The following L3MBTL1 variants were observed in gnomAD, a reference collection of about 807,000 sequenced individuals.
L3MBTL1 encodes L3MBTL histone methyl-lysine binding protein 1.
In L3MBTL1, 75 loss-of-function variants were observed where a neutral mutation model predicts 105.3. The observed-to-expected ratio is 0.71, with a 90% confidence interval of 0.59 to 0.86. The LOEUF is 0.86. L3MBTL1 is among the 40% of genes least tolerant of loss of function. L3MBTL1 has a pLI of 0.00. For synonymous variants in L3MBTL1, 452 were observed against 436.2 expected, an observed-to-expected ratio of 1.04 and a Z score of -0.45; for missense variants, 1,069 against 1,126.4, an observed-to-expected ratio of 0.95 and a Z score of 0.73.
chr20:43,519,974 G>GTACAAT (rs2018622518), intron 7 of L3MBTL1, among the ~76,000 whole-genome samples: 1 of 152,152 alleles, frequency 6.6e-6, no homozygotes, highest in Non-Finnish European at 1.5e-5. Context: ...CATTTGAAGT[G>GTACAAT]TACAATTCAG....
chr20:43,532,614 T>C (rs2019399294), intron 11 of L3MBTL1, 159 bp from the exon 12 acceptor site: 1 of 735,626 alleles, frequency 1.4e-6, no homozygotes, highest in Non-Finnish European at 2.2e-6. Context: ...GTTATGATTC[T>C]GCCCTGGAGG....
At chr20:43,527,478 C>T (rs556707858) in intron 7 of L3MBTL1, among the ~76,000 whole-genome samples, 4 of 152,154 alleles carry the variant, frequency 2.6e-5, no homozygotes, top group Non-Finnish European at 4.4e-5. Context: ...GTATTCATCT[C>T]CCTCCCCAGG....
intron 7 of L3MBTL1, among the ~76,000 whole-genome samples, chr20:43,520,740 T>G (rs1024351954): frequency 6.6e-6 from 1 of 152,206 alleles, no homozygotes; most frequent in African/African-American, 2.4e-5. Flanking sequence ...TAAATTGGGT[T>G]TAAAAAACAG....
At chr20:43,542,951 A>C (rs1276442917), downstream of L3MBTL1, among the ~76,000 whole-genome samples, 1 of 152,154 alleles carries the variant, frequency 6.6e-6, no homozygotes, top group East Asian at 1.9e-4. Context: ...CTCTTCCCCT[A>C]GATTTGAACC....
At position 43,532,928 on chromosome 20, in the gene L3MBTL1, G is replaced by A. The variant is rs2019413960; in HGVS notation, c.1436+4G>A. 1 of 1,614,124 alleles carries A rather than the reference G, an allele frequency of 6.2e-7. No homozygotes were observed. The highest frequency in any genetic ancestry group is 8.5e-7 in the Non-Finnish European group (1 of 1,180,002). On this transcript the variant is annotated splice_donor_region_variant and intron_variant, in intron 12 of 21. Coordinates refer to ENST00000418998, the MANE Select transcript of L3MBTL1 (RefSeq NM_001377303.1). ...GGGATGATACTTATGACTACTGGTA[G>A]TAGGAGGGCCCAGACTTGGCCTCAG...
chr20:43,536,217 G>A lies in L3MBTL1; in HGVS notation c.2046G>A (p.Leu682=), dbSNP rs773728139. The A allele has an allele frequency of 1.9e-6, 3 of 1,612,826 alleles. No individual in the cohort carries two copies. In the East Asian group the frequency reaches 6.7e-5, roughly 36 times the overall value. ...ACCAGAGCCGGCTGAAAGCGGAGCT[G>A]TCTGACTCGGAGGCCTCAGCCCGCA... The part of the protein sequence containing the change: ...ERNQSRLKAE[L]SDSEASARKK... The change falls in exon 18 of 22, where the codon CTG becomes CTA. Residue 682 remains leucine, a synonymous_variant. Transcript: ENST00000418998.
rs757053008 is a variant in L3MBTL1 at position 43,534,914 on chromosome 20, G to C, written c.1797G>C (p.Lys599Asn). Residue 599 changes from lysine to asparagine, a missense_variant, in exon 16 of 22, where the codon AAG (lysine) becomes AAC (asparagine). Lys to Asn is a moderately conservative substitution (Grantham distance 94, BLOSUM62 0). Coordinates refer to ENST00000418998, the MANE Select transcript of L3MBTL1 (RefSeq NM_001377303.1). ...TCCACCCTGCCGGCTGGTGCTCCAA[G>C]ACAGGACATCCCCTGCAGCCTCCTC... is the stretch of plus-strand genomic sequence containing the variant. ...PDIHPAGWCS[K>N]TGHPLQPPLG... 6.2e-7 allele frequency: 1 copy of C among 1,606,884 alleles called. No homozygotes were observed. The highest frequency in any genetic ancestry group is 8.5e-7 in the Non-Finnish European group (1 of 1,179,130).
At chr20:43,521,667 G>T (rs1265378878) in intron 7 of L3MBTL1, among the ~76,000 whole-genome samples, 5 of 152,132 alleles carry the variant, frequency 3.3e-5, no homozygotes, top group African/African-American at 1.2e-4. Context: ...ATTAAGAAAG[G>T]AATTCATCAA....
chr20:43,536,530 G>A lies in L3MBTL1; in HGVS notation c.2173+72G>A, dbSNP rs1487404405. The A allele has an allele frequency of 5.9e-6, 9 of 1,527,118 alleles. No individual in the cohort carries two copies. The Admixed American group carries it at 6.7e-5, about 11-fold the overall frequency. 94.6% of individuals were successfully genotyped at this position (1,527,118 alleles called of 1,614,324 possible). A position where few individuals can be genotyped will look rare whatever the true frequency, so the allele number is the denominator to read the frequency against. On this transcript the variant is annotated intron_variant, in intron 19 of 21. Coordinates refer to ENST00000418998, the MANE Select transcript of L3MBTL1 (RefSeq NM_001377303.1). ...ACAGCGAGTGCTCTGTCATTGGTGGGATGAGACAGATTTCCCAGAGTGGGA... is the reference window on the plus strand; with the variant it reads ...ACAGCGAGTGCTCTGTCATTGGTGGAATGAGACAGATTTCCCAGAGTGGGA...
Position 43,534,486 on chromosome 20 carries a change from G to A in L3MBTL1, c.1710+92G>A, listed in dbSNP as rs914689668. 15 of 976,380 alleles carry A rather than the reference G, an allele frequency of 1.5e-5. No individual in the cohort carries two copies. In the Admixed American group the frequency reaches 2.7e-4, roughly 17 times the overall value. The allele number at this position is 976,380 out of a possible 1,614,324, so 60.5% of individuals were successfully genotyped here. A position where few individuals can be genotyped will look rare whatever the true frequency, so the allele number is the denominator to read the frequency against. ...AGAGGTCAGGGGCATCATGGCATGA[G>A]AGAGATGAAGCCAAAGATCTTGAAT... On this transcript the variant is annotated intron_variant, in intron 15 of 21. Coordinates refer to ENST00000418998, the MANE Select transcript of L3MBTL1 (RefSeq NM_001377303.1).
intron 11 of L3MBTL1, 22 bp from the exon 12 acceptor site, chr20:43,532,751 G>C: frequency 6.2e-7 from 1 of 1,613,994 alleles, no homozygotes; most frequent in Non-Finnish European, 8.5e-7. Flanking sequence ...CCTGGCCGTG[G>C]CAGCTCCTTT....
At position 43,514,709 on chromosome 20, in the gene L3MBTL1, A is replaced by G. The variant is rs947186721; in HGVS notation, c.435A>G (p.Glu145=). Residue 145 remains glutamate (E), a synonymous_variant, in exon 4 of 22, where the codon GAA becomes GAG. Coordinates refer to ENST00000418998, the MANE Select transcript of L3MBTL1 (RefSeq NM_001377303.1). ...CCCCGAGCCCCGAGCTGCGGCAGGA[A>G]GGCGTGACCGAATACGAAGATGGCG... ...EQPPSPELRQ[E]GVTEYEDGGA... is the part of the protein sequence containing the mutation. 1.1e-5 allele frequency: 18 copies of G among 1,582,194 alleles called. 1 individual carries two copies. In the Admixed American group the frequency reaches 2.2e-4, roughly 20 times the overall value.
Position 43,533,369 on chromosome 20 carries a change from C to T in L3MBTL1, c.1464C>T (p.His488=), listed in dbSNP as rs1182071402. 3.1e-6 allele frequency: 5 copies of T among 1,613,824 alleles called. No individual in the cohort carries two copies. In the Admixed American group the frequency reaches 6.7e-5, roughly 22 times the overall value. The part of the protein sequence containing the change: ...YWCDPSSPYI[H]PVGWCQKQGK... ...GTGATCCCAGCAGCCCCTACATCCA[C>T]CCAGTGGGCTGGTGCCAGAAGCAAG... is the stretch of plus-strand genomic sequence containing the variant. The change falls in exon 13 of 22, where the codon CAC becomes CAT. Residue 488 remains histidine, a synonymous_variant. Transcript: ENST00000418998.
At chr20:43,535,110 C>CT (rs1267653768) in intron 16 of L3MBTL1, among the ~76,000 whole-genome samples, 168 bp downstream of exon 16, 1 of 152,144 alleles carries the variant, frequency 6.6e-6, no homozygotes, top group Admixed American at 6.5e-5. Flanking sequence ...GGACCATCTG[C>CT]TACACTAAGC....
At chr20:43,516,972 TTG>T (rs2018426669) in intron 7 of L3MBTL1, among the ~76,000 whole-genome samples, 1 of 152,068 alleles carries the variant, frequency 6.6e-6, no homozygotes, top group Non-Finnish European at 1.5e-5. Flanking sequence ...TTTTAAATTT[TTG>T]TTATAGAGAT....
intron 1 of L3MBTL1, among the ~76,000 whole-genome samples, 189 bp downstream of exon 1, chr20:43,507,933 C>G (rs1013580070): frequency 1.3e-5 from 2 of 152,102 alleles, no homozygotes; most frequent in Non-Finnish European, 2.9e-5. Context: ...CTGGGCGGAG[C>G]GCGCAGGGGG....
At position 43,513,998 on chromosome 20, in the gene L3MBTL1, C is replaced by G; in HGVS notation, c.297C>G (p.Thr99=). The G allele has an allele frequency of 6.5e-7, 1 of 1,543,226 alleles. No homozygotes were observed. The highest frequency in any genetic ancestry group is 2.4e-5 in the East Asian group (1 of 40,912). ...GCGCCGGGCCGGCCAGCTCCAGCAC[C>G]AGCACAGTGCGGCTTCTGGAATGGA... ...QLSAGPASSS[T]STVRLLEWTE... Residue 99 remains threonine, a synonymous_variant, in exon 3 of 22, where the codon ACC becomes ACG. Coordinates refer to ENST00000418998, the MANE Select transcript of L3MBTL1 (RefSeq NM_001377303.1).
intron 7 of L3MBTL1, among the ~76,000 whole-genome samples, chr20:43,526,636 A>C (rs2019047151): frequency 6.6e-6 from 1 of 152,218 alleles, no homozygotes; most frequent in East Asian, 1.9e-4. Context: ...GGTTTGGTAC[A>C]GTGTCTGAGG....
intron 11 of L3MBTL1, chr20:43,532,525 A>G (rs1486567808): frequency 9.0e-6 from 4 of 445,356 alleles, no homozygotes. Context: ...GCCTCCTTCC[A>G]GGCACTTACC....
Sources: allele counts gnomAD v4.1 joint callset (sites outside exome capture counted in the v4.1 genomes callset), GRCh38; gene constraint gnomAD v4.1.1; transcripts MANE v1.5; gene names NCBI Gene and HGNC (gene_info 2026-07-23, HGNC 2026-07-21).